Variants in PI4KB observed in about 807,000 individuals in gnomAD.
PI4KB encodes phosphatidylinositol 4-kinase beta, also known as PtdIns 4-kinase beta.
Under a neutral mutation model 81.4 loss-of-function variants are expected in PI4KB, and 23 were observed. The ratio of observed to expected loss-of-function variants is 0.28; its 90% CI spans 0.20 to 0.40. The LOEUF is 0.40. Ranked by LOEUF, PI4KB falls within the 10% of genes least tolerant of loss-of-function variation. The pLI, the probability that PI4KB is intolerant of heterozygous loss-of-function variation, is 1.00. For synonymous variants in PI4KB, 381 were observed against 406.8 expected, an observed-to-expected ratio of 0.94 and a Z score of 0.76; for missense variants, 651 against 1,036.6, an observed-to-expected ratio of 0.63 and a Z score of 5.11.
At chr1:151,314,529 T>G (rs1647614956) in intron 2 of PI4KB, among the ~76,000 whole-genome samples, 1 of 152,218 alleles carries the variant, frequency 6.6e-6, no homozygotes, top group African/African-American at 2.4e-5. Flanking sequence ...TGCTGTAGCT[T>G]CCTCTTCTTC....
At chr1:151,307,425 A>C in intron 4 of PI4KB, 149 bp downstream of exon 4, 1 of 619,574 alleles carries the variant, frequency 1.6e-6, no homozygotes, top group East Asian at 2.8e-5. Context: ...AATCGCACTG[A>C]GACAGAGTCA....
rs1326653384 is a variant in PI4KB at position 151,299,085 on chromosome 1, C to T, written c.1750-12G>A. 1 of 1,612,284 alleles carries T rather than the reference C, an allele frequency of 6.2e-7. No homozygotes were observed. Among genetic ancestry groups the T allele is most frequent in the Admixed American group, 1.7e-5 (1 of 59,996 alleles). ...TGTTCCCAAATGGACTGTGAGGAGA[C>T]ATGGAGGATACAGGACTCTTATCTT... On this transcript the variant is annotated splice_polypyrimidine_tract_variant and intron_variant, in intron 8 of 11. Coordinates refer to ENST00000368873, the MANE Select transcript of PI4KB (RefSeq NM_001369623.2).
intron 11 of PI4KB, 180 bp downstream of exon 11, chr1:151,293,838 T>C: frequency 1.6e-6 from 1 of 640,726 alleles, no homozygotes; most frequent in East Asian, 3.1e-5. Flanking sequence ...GGACTTAGCC[T>C]TACCAGGGTC....
chr1:151,293,341 C>A, intron 11 of PI4KB: 10 of 1,360,562 alleles, frequency 7.3e-6, no homozygotes, highest in Non-Finnish European at 9.7e-6. Context: ...AGGGAGTGGG[C>A]CCTGAGCTGG....
chr1:151,314,688 A>G (rs1647639260), intron 2 of PI4KB, among the ~76,000 whole-genome samples: 1 of 152,250 alleles, frequency 6.6e-6, no homozygotes, highest in Non-Finnish European at 1.5e-5. Context: ...GGCATTCTCC[A>G]GATGCCTCAG....
chr1:151,302,121 A>G lies in PI4KB; in HGVS notation c.1625+73T>C, dbSNP rs1695335411. On this transcript the variant is annotated intron_variant, in intron 7 of 11. Coordinates refer to ENST00000368873, the MANE Select transcript of PI4KB (RefSeq NM_001369623.2). ...ATTTTTTTGGAGGCTGATGGACAAT[A>G]AAGTTGGTGCAGTGAGCACTTACAA... The G allele has an allele frequency of 3.3e-6, 5 of 1,537,870 alleles. No individual in the cohort carries two copies. The Admixed American group carries it at 5.1e-5, about 16-fold the overall frequency.
At position 151,294,396 on chromosome 1, in the gene PI4KB, C is replaced by G. The variant is rs1694617561; in HGVS notation, c.2148+13G>C. The G allele has an allele frequency of 6.2e-7, 1 of 1,613,562 alleles. No homozygotes were observed. The highest frequency in any genetic ancestry group is 1.7e-5 in the Admixed American group (1 of 59,976). On this transcript the variant is annotated intron_variant, in intron 10 of 11. Coordinates refer to ENST00000368873, the MANE Select transcript of PI4KB (RefSeq NM_001369623.2). ...CAATGACCCCCGAGAGGCACCTCTC[C>G]TTCTTGACTCACATCCACAAACTCT...
At position 151,294,037 on chromosome 1, in the gene PI4KB, G is replaced by A. The variant is rs765196916; in HGVS notation, c.2250C>T (p.Ile750=). 11 of 1,613,916 alleles carry A rather than the reference G, an allele frequency of 6.8e-6. No homozygotes were observed. The highest frequency in any genetic ancestry group is 4.5e-5 in the East Asian group (2 of 44,896). Reference sequence around the variant, plus strand: ...CCCCACCTTGCTGCATGATCTCCACGATCTGCACCACCTTGTCCATGTGTT... The same window carrying A: ...CCCCACCTTGCTGCATGATCTCCACAATCTGCACCACCTTGTCCATGTGTT... ...ARKHMDKVVQ[I]VEIMQQGSQL... is the part of the protein sequence containing the mutation. The change falls in exon 11 of 12, where the codon ATC becomes ATT. Residue 750 remains isoleucine (I), a synonymous_variant. Transcript: ENST00000368873.
In PI4KB at chr1:151,301,930, TG is replaced by T; in HGVS notation, c.1662del (p.Asn555IlefsTer25). Reference sequence around the variant, plus strand: ...ACAATGACTGACAGGAGCCGCCAATTGGGGAGATGGCCGTAGGGGGAGCCCT... The same window carrying T: ...ACAATGACTGACAGGAGCCGCCAATTGGGAGATGGCCGTAGGGGGAGCCCT... Reference protein sequence around the residue: ...IREGSPYGHLPNWRLLSVIVK... With the variant: ...IREGSPYGHLXNWRLLSVIVK... On this transcript the variant is annotated frameshift_variant, in exon 8 of 12. Coordinates refer to ENST00000368873, the MANE Select transcript of PI4KB (RefSeq NM_001369623.2). LOFTEE classifies it high-confidence loss of function. The T allele has an allele frequency of 6.2e-7, 1 of 1,613,928 alleles. No homozygotes were observed. The highest frequency in any genetic ancestry group is 1.1e-5 in the South Asian group (1 of 91,078).
intron 1 of PI4KB, chr1:151,324,813 T>C (rs1472832172): frequency 2.0e-6 from 2 of 985,048 alleles, no homozygotes; most frequent in African/African-American, 1.7e-5. Flanking sequence ...TCTTGTCCCA[T>C]GCCAATTATT....
At chr1:151,293,603 G>A in intron 11 of PI4KB, 1 of 323,968 alleles carries the variant, frequency 3.1e-6, no homozygotes, top group South Asian at 2.6e-5. Context: ...GTAGTGGAAG[G>A]AGATAATGAT....
chr1:151,326,754 T>C (rs958200456), intron 1 of PI4KB, among the ~76,000 whole-genome samples: 1 of 151,464 alleles, frequency 6.6e-6, no homozygotes, highest in African/African-American at 2.4e-5. Context: ...GGTAGGTGGG[T>C]GACAGTGAGG....
chr1:151,305,967 C>G (rs1264050067), intron 5 of PI4KB, among the ~76,000 whole-genome samples, 169 bp downstream of exon 5: 1 of 152,128 alleles, frequency 6.6e-6, no homozygotes, highest in African/African-American at 2.4e-5. Flanking sequence ...GAATCTATTC[C>G]AGGCTAGAGT....
At chr1:151,307,494 C>A in intron 4 of PI4KB, 80 bp downstream of exon 4, 1 of 854,064 alleles carries the variant, frequency 1.2e-6, no homozygotes, top group South Asian at 1.5e-5. Context: ...GAGGGCCTCA[C>A]TGGTCATACA....
chr1:151,305,109 C>T (rs879756247), intron 5 of PI4KB, among the ~76,000 whole-genome samples: 6 of 152,054 alleles, frequency 3.9e-5, no homozygotes, highest in Admixed American at 1.3e-4. Context: ...GGATTACAGG[C>T]GTGCGCCACC....
chr1:151,318,176 T>C (rs966926642), intron 1 of PI4KB, among the ~76,000 whole-genome samples: 1 of 151,972 alleles, frequency 6.6e-6, no homozygotes, highest in African/African-American at 2.4e-5. Flanking sequence ...CCCAGCACTT[T>C]GGGAGGCCGA....
At chr1:151,305,874 T>A (rs1695714600) in intron 5 of PI4KB, among the ~76,000 whole-genome samples, 1 of 152,212 alleles carries the variant, frequency 6.6e-6, no homozygotes, top group Admixed American at 6.5e-5. Flanking sequence ...ATATTTTCAT[T>A]AAATTTCCCT....
At chr1:151,293,160 G>T in intron 11 of PI4KB, 127 bp from the exon 12 acceptor site, 2 of 1,504,374 alleles carry the variant, frequency 1.3e-6, no homozygotes, top group African/African-American at 1.4e-5. Context: ...TTGATGATGT[G>T]GGTGCAGTTC....
intron 1 of PI4KB, among the ~76,000 whole-genome samples, chr1:151,319,481 C>A (rs1159416261): frequency 6.6e-6 from 1 of 152,184 alleles, no homozygotes; most frequent in Admixed American, 6.5e-5. Context: ...GTCATACACA[C>A]ATTCTAACAA....
Sources: gnomAD v4.1 joint callset for allele counts (sites outside exome capture counted in the v4.1 genomes callset) on GRCh38, gnomAD v4.1.1 for gene constraint, MANE v1.5 for transcripts, NCBI Gene and HGNC (gene_info 2026-07-23, HGNC 2026-07-21) for gene names.